Variants in MCC observed in about 807,000 individuals in gnomAD.
The protein encoded by MCC is colorectal mutant cancer protein.
A neutral mutation model predicts 116.2 loss-of-function variants in MCC; 90 were observed. The ratio of observed to expected loss-of-function variants is 0.77; its 90% CI spans 0.65 to 0.92. The LOEUF (loss-of-function observed/expected upper bound fraction) is 0.92, where lower values mean the gene tolerates loss of function less well. Among genes scored for constraint, MCC ranks in the 40% least tolerant of loss-of-function variants. The pLI, the probability that MCC is intolerant of heterozygous loss-of-function variation, is 0.00. For missense variants in MCC, 1,516 were observed against 1,312.2 expected, an observed-to-expected ratio of 1.16 and a Z score of -2.40; for synonymous variants, 578 against 510.5, an observed-to-expected ratio of 1.13 and a Z score of -1.78.
intron 3 of MCC, among the ~76,000 whole-genome samples, chr5:113,199,550 A>G (rs1014127166): frequency 6.6e-6 from 1 of 152,218 alleles, no homozygotes; most frequent in African/African-American, 2.4e-5. Flanking sequence ...AGGATTATCT[A>G]AAAAGAGTTA....
chr5:113,129,685 G>C (rs1307313965), intron 5 of MCC, among the ~76,000 whole-genome samples: 1 of 152,212 alleles, frequency 6.6e-6, no homozygotes, highest in Non-Finnish European at 1.5e-5. Context: ...GATATGAACA[G>C]ACACTTTTCA....
At chr5:113,137,006 C>T (rs745910106) in intron 5 of MCC, among the ~76,000 whole-genome samples, 1 of 152,082 alleles carries the variant, frequency 6.6e-6, no homozygotes, top group Non-Finnish European at 1.5e-5. Context: ...TCATAGGTTG[C>T]CTTTATTTTG....
At chr5:113,382,000 TG>T (rs1769136618) in intron 2 of MCC, among the ~76,000 whole-genome samples, 2 of 152,148 alleles carry the variant, frequency 1.3e-5, no homozygotes, top group Non-Finnish European at 2.9e-5. Flanking sequence ...GATTTAGATG[TG>T]GGCAGAAAAG....
rs757279689 is a variant in MCC at position 113,488,387 on chromosome 5, C to T, written c.28G>A (p.Ala10Thr). 7.1e-7 allele frequency: 1 copy of T among 1,418,078 alleles called. No individual in the cohort carries two copies. The allele number at this position is 1,418,078 out of a possible 1,614,324, so 87.8% of individuals were successfully genotyped here. A position where few individuals can be genotyped will look rare whatever the true frequency, so the allele number is the denominator to read the frequency against. MMAAAAAAA[A>T]GSSSSGGGGG... ...CCGCCGCCGCTGCTGGAGCTCCCCG[C>T]AGCCGCTGCCGCCGCGGCCGCCATC... The change falls in exon 1 of 19, where the codon GCG (alanine) becomes ACG (threonine). Residue 10 changes from alanine to threonine, a missense_variant. Transcript: ENST00000408903.
At chr5:113,047,751 C>T (rs1368759675) in intron 16 of MCC, among the ~76,000 whole-genome samples, 1 of 150,840 alleles carries the variant, frequency 6.6e-6, no homozygotes, top group African/African-American at 2.4e-5. Flanking sequence ...GGATATAATT[C>T]TTTAGAGTCC....
chr5:113,104,934 T>C (rs897629194), intron 6 of MCC, among the ~76,000 whole-genome samples: 10 of 152,232 alleles, frequency 6.6e-5, no homozygotes, highest in African/African-American at 1.9e-4. Context: ...AAATTCCTTA[T>C]TGTTCTCCAC....
chr5:113,163,252 G>A (rs11955699), intron 3 of MCC, among the ~76,000 whole-genome samples: 1 of 152,052 alleles, frequency 6.6e-6, no homozygotes, highest in African/African-American at 2.4e-5. Flanking sequence ...GGAAGTTATT[G>A]TAAGCAAGGA....
At chr5:113,323,647 A>G (rs1767478777) in intron 3 of MCC, among the ~76,000 whole-genome samples, 1 of 152,204 alleles carries the variant, frequency 6.6e-6, no homozygotes, top group African/African-American at 2.4e-5. Flanking sequence ...CTTCTTGTGA[A>G]AAGTTTAAAT....
chr5:113,252,803 C>T (rs992188054), intron 3 of MCC, among the ~76,000 whole-genome samples: 2 of 152,160 alleles, frequency 1.3e-5, no homozygotes, highest in Admixed American at 6.5e-5. Flanking sequence ...TATCTCCTCC[C>T]ACCTCACTCC....
intron 1 of MCC, among the ~76,000 whole-genome samples, chr5:113,465,989 T>C (rs911822335): frequency 1.3e-5 from 2 of 151,638 alleles, no homozygotes; most frequent in Non-Finnish European, 2.9e-5. Context: ...CAGGCTGGAG[T>C]GCGGTGGCGC....
chr5:113,156,664 C>T (rs915164728), intron 3 of MCC, among the ~76,000 whole-genome samples: 2 of 152,196 alleles, frequency 1.3e-5, no homozygotes, highest in Non-Finnish European at 2.9e-5. Context: ...AGAACCCTGA[C>T]ACTTTGTATA....
At chr5:113,441,712 C>G (rs568034181) in intron 1 of MCC, among the ~76,000 whole-genome samples, 2 of 152,160 alleles carry the variant, frequency 1.3e-5, no homozygotes, top group Non-Finnish European at 2.9e-5. Flanking sequence ...TCCACATGTT[C>G]TCATTGTTCA....
At chr5:113,277,905 A>G (rs1183270867) in intron 3 of MCC, among the ~76,000 whole-genome samples, 2 of 152,136 alleles carry the variant, frequency 1.3e-5, no homozygotes. Flanking sequence ...CCAACAGTCT[A>G]CTGCACATTT....
intron 3 of MCC, among the ~76,000 whole-genome samples, chr5:113,263,525 T>C (rs1473444575): frequency 6.6e-6 from 1 of 152,170 alleles, no homozygotes; most frequent in Admixed American, 6.5e-5. Flanking sequence ...CTCTTTCAAA[T>C]TGCTTAAAAC....
intron 1 of MCC, among the ~76,000 whole-genome samples, chr5:113,456,283 C>A (rs943982249): frequency 1.3e-5 from 2 of 152,170 alleles, no homozygotes; most frequent in African/African-American, 4.8e-5. Context: ...ACCAGTCAGA[C>A]TCTACCAGGG....
At chr5:113,379,941 A>C (rs2150391804) in intron 2 of MCC, among the ~76,000 whole-genome samples, 1 of 152,366 alleles carries the variant, frequency 6.6e-6, no homozygotes, top group East Asian at 1.9e-4. Flanking sequence ...AGAAAACTAT[A>C]ATCTAGTTTA....
At chr5:113,431,891 A>G (rs1770663010) in intron 1 of MCC, among the ~76,000 whole-genome samples, 2 of 152,066 alleles carry the variant, frequency 1.3e-5, no homozygotes, top group South Asian at 4.1e-4. Context: ...TAATCCCAGC[A>G]CTTTGGGAGG....
intron 1 of MCC, among the ~76,000 whole-genome samples, chr5:113,397,522 T>G (rs1189653742): frequency 2.6e-5 from 4 of 152,158 alleles, no homozygotes; most frequent in Non-Finnish European, 2.9e-5. Flanking sequence ...CTAATTTATA[T>G]TATAAAGATT....
At chr5:113,109,381 A>G (rs1044728237) in intron 6 of MCC, among the ~76,000 whole-genome samples, 3 of 152,234 alleles carry the variant, frequency 2.0e-5, no homozygotes, top group Non-Finnish European at 4.4e-5. Context: ...CCCTGAAAAC[A>G]TTATACTAAT....
Sources: allele counts gnomAD v4.1 joint callset (sites outside exome capture counted in the v4.1 genomes callset), GRCh38; gene constraint gnomAD v4.1.1; transcripts MANE v1.5; gene names NCBI Gene and HGNC (gene_info 2026-07-23, HGNC 2026-07-21).